Variants in POTEE observed in about 807,000 individuals in gnomAD.
POTEE encodes the protein ANKRD26-like family C member 1A.
In POTEE, 21 loss-of-function variants were observed where a neutral mutation model predicts 74.2. The observed-to-expected ratio is 0.28, with a 90% CI of 0.20 to 0.41. The LOEUF (loss-of-function observed/expected upper bound fraction) is 0.41. Among genes scored for constraint, POTEE ranks in the 10% least tolerant of loss-of-function variants. The pLI, the probability that POTEE is intolerant of heterozygous loss-of-function variation, is 1.00. For synonymous variants in POTEE, 211 were observed against 432.8 expected, an observed-to-expected ratio of 0.49 and a Z score of 6.36; for missense variants, 525 against 1,158.6, an observed-to-expected ratio of 0.45 and a Z score of 7.94.
intron 3 of POTEE, 118 bp from the exon 4 acceptor site, chr2:131,218,192 G>A (rs530671463): frequency 3.2e-6 from 3 of 938,940 alleles, no homozygotes; most frequent in Admixed American, 2.9e-5. Context: ...GGTCGCCCAG[G>A]GGGGGCGTGG....
At chr2:131,256,852 G>C (rs1701588510) in intron 16 of POTEE, among the ~76,000 whole-genome samples, 3 of 152,294 alleles carry the variant, frequency 2.0e-5, no homozygotes, top group Admixed American at 1.3e-4. Flanking sequence ...AATTAGGATT[G>C]TATCATCAGG....
chr2:131,222,583 C>T (rs2105074205), intron 4 of POTEE, among the ~76,000 whole-genome samples: 1 of 152,168 alleles, frequency 6.6e-6, no homozygotes, highest in Admixed American at 6.5e-5. Context: ...TTGAAAAAAG[C>T]TCCACAAATC....
At chr2:131,209,949 TG>T (rs1236397880) in intron 1 of POTEE, among the ~76,000 whole-genome samples, 130 bp downstream of exon 1, 1 of 105,744 alleles carries the variant, frequency 9.5e-6, no homozygotes, top group Non-Finnish European at 1.8e-5. Flanking sequence ...GTTGCATTGC[TG>T]GCGGTGGAGG....
Position 131,218,494 on chromosome 2 carries a change from G to A in POTEE, c.92G>A (p.Cys31Tyr). The A allele has an allele frequency of 6.2e-7, 1 of 1,612,762 alleles. No individual in the cohort carries two copies. Among genetic ancestry groups the A allele is most frequent in the Non-Finnish European group, 8.5e-7 (1 of 1,179,882 alleles). ...RSKMGKWCCR[C>Y]FPCYRESGKS... Reference sequence around the variant, plus strand: ...AAGATGGGCAAGTGGTGCTGCCGTTGCTTCCCCTGCTACAGGGAGAGCGGC... The same window carrying A: ...AAGATGGGCAAGTGGTGCTGCCGTTACTTCCCCTGCTACAGGGAGAGCGGC... The change falls in exon 4 of 18, where the codon TGC becomes TAC. Residue 31 changes from cysteine (C) to tyrosine (Y), a missense_variant. By Grantham distance (194) the Cys-to-Tyr change is radical. Transcript: ENST00000683005.
chr2:131,219,466 C>T (rs1320842664), intron 4 of POTEE, among the ~76,000 whole-genome samples: 6 of 151,948 alleles, frequency 3.9e-5, no homozygotes, highest in Non-Finnish European at 7.4e-5. Flanking sequence ...TTTGGCTGGG[C>T]GCGGTGGCTC....
intron 2 of POTEE, among the ~76,000 whole-genome samples, chr2:131,216,805 A>G (rs1211870745): frequency 6.6e-6 from 1 of 151,746 alleles, no homozygotes; most frequent in Non-Finnish European, 1.5e-5. Flanking sequence ...AGTCACACGT[A>G]ACTATATTAT....
At chr2:131,210,605 C>T (rs868210585) in intron 1 of POTEE, among the ~76,000 whole-genome samples, 12 of 151,900 alleles carry the variant, frequency 7.9e-5, no homozygotes, top group Middle Eastern at 3.2e-3. Flanking sequence ...TGCGGTTCTC[C>T]GGCCTGCACC....
Position 131,225,054 on chromosome 2 carries a change from A to G in POTEE, c.810+1011A>G, listed in dbSNP as rs563348982. Reference sequence around the variant, plus strand: ...TCCTACTCCTTACTCTTTTTGGCCAAATCTTCAAATGAGAAAGGGAATTGG... The same window carrying G: ...TCCTACTCCTTACTCTTTTTGGCCAGATCTTCAAATGAGAAAGGGAATTGG... On this transcript the variant is annotated intron_variant, in intron 6 of 17. Transcript: ENST00000683005. 6.8e-4 allele frequency among the ~76,000 whole-genome samples: 103 copies of G among 152,274 alleles called. 1 individual carries two copies. The highest frequency in any genetic ancestry group is 8.2e-4 in the Non-Finnish European group (56 of 68,026).
intron 9 of POTEE, among the ~76,000 whole-genome samples, chr2:131,235,792 C>CAAACAA (rs1553477223): frequency 1.3e-5 from 1 of 79,144 alleles, no homozygotes; most frequent in African/African-American, 5.6e-5. Context: ...GACCCTGGCT[C>CAAACAA]AAAAAAAAAA....
rs766185047 is a variant in POTEE at position 131,264,027 on chromosome 2, G to T, written c.2572G>T (p.Gly858Trp). Reference protein sequence around the residue: ...TTGIVMDSGDGVTHTVPIYEG... With the variant: ...TTGIVMDSGDWVTHTVPIYEG... ...TGGCATCGTGATGGACTCTGGTGACGGGGTCACCCACACTGTGCCCATCTA... is the reference window on the plus strand; with the variant it reads ...TGGCATCGTGATGGACTCTGGTGACTGGGTCACCCACACTGTGCCCATCTA... The change falls in exon 18 of 18, where the codon GGG (glycine) becomes TGG (tryptophan). Residue 858 changes from glycine to tryptophan, a missense_variant. Physicochemically the swap from Gly to Trp is radical, Grantham distance 184 (BLOSUM62 -2). Transcript: ENST00000683005. 1 of 1,614,022 alleles carries T rather than the reference G, an allele frequency of 6.2e-7. No homozygotes were observed. The highest frequency in any genetic ancestry group is 1.7e-5 in the Admixed American group (1 of 60,000).
chr2:131,209,831 G>A lies in POTEE; in HGVS notation c.-345+12G>A, dbSNP rs374235333. On this transcript the variant is annotated intron_variant, in intron 1 of 17. Coordinates refer to ENST00000683005, the MANE Select transcript of POTEE (RefSeq NM_001083538.3). ...ATGTCCTGGTGTAGGTGAGTTATCCGGGGATGTACTGCCCGCCTGTGGGGG... is the reference window on the plus strand; with the variant it reads ...ATGTCCTGGTGTAGGTGAGTTATCCAGGGATGTACTGCCCGCCTGTGGGGG... Among the ~76,000 whole-genome samples the A allele has an allele frequency of 2.8e-3, 430 of 151,930 alleles. 1 individual carries two copies. Among genetic ancestry groups the A allele is most frequent in the Middle Eastern group, 0.014 (4 of 290 alleles).
At chr2:131,217,114 T>C (rs1459060447) in intron 2 of POTEE, among the ~76,000 whole-genome samples, 2 of 148,876 alleles carry the variant, frequency 1.3e-5, no homozygotes, top group Non-Finnish European at 3.0e-5. Context: ...AGTTAAAAAA[T>C]ATGTGGTATG....
intron 9 of POTEE, among the ~76,000 whole-genome samples, chr2:131,233,272 T>C (rs1001489083): frequency 1.3e-5 from 2 of 151,948 alleles, no homozygotes; most frequent in African/African-American, 4.8e-5. Context: ...CTCTGTCATA[T>C]CTACTTAACC....
Position 131,217,760 on chromosome 2 carries a change from GCCGCACGCGCACGC to G in POTEE, c.-94+79_-94+92del, listed in dbSNP as rs1490409255. Among the ~76,000 whole-genome samples the G allele has an allele frequency of 5.6e-4, 7 of 12,426 alleles. 1 individual carries two copies. Among genetic ancestry groups the G allele is most frequent in the Non-Finnish European group, 7.2e-4 (1 of 1,380 alleles). The allele number at this position is 12,426 out of a possible 152,430, so 8.2% of individuals were successfully genotyped here. A position where few individuals can be genotyped will look rare whatever the true frequency, so the allele number is the denominator to read the frequency against. ...GAGATAAGCACGCCGCACGCCGCAC[GCCGCACGCGCACGC>G]CGCACGCGCACGCGCACGCCCGGCA... On this transcript the variant is annotated intron_variant, in intron 3 of 17. Coordinates refer to ENST00000683005, the MANE Select transcript of POTEE (RefSeq NM_001083538.3).
intron 9 of POTEE, among the ~76,000 whole-genome samples, chr2:131,233,921 G>A (rs2105096755): frequency 6.6e-6 from 1 of 151,012 alleles, no homozygotes; most frequent in South Asian, 2.1e-4. Flanking sequence ...AGAGCAAAGA[G>A]CAGCAGGTCA....
At position 131,263,502 on chromosome 2, in the gene POTEE, G is replaced by C; in HGVS notation, c.2047G>C (p.Val683Leu). ...GAAATATTTGGAGGATATTGAAAGT[G>C]TGAAAAAAAAGAATGATAATCTTTT... ...EKKYLEDIES[V>L]KKKNDNLLKA... Residue 683 changes from valine to leucine, a missense_variant, in exon 18 of 18, where the codon GTG becomes CTG. Physicochemically the swap from Val to Leu is conservative, Grantham distance 32. Transcript: ENST00000683005. The C allele has an allele frequency of 6.2e-7, 1 of 1,611,650 alleles. No individual in the cohort carries two copies. The highest frequency in any genetic ancestry group is 8.5e-7 in the Non-Finnish European group (1 of 1,179,636).
In POTEE at chr2:131,218,521, A is replaced by G. The variant is rs1388011888; in HGVS notation, c.119A>G (p.Lys40Arg). Residue 40 changes from lysine (K) to arginine (R), a missense_variant, in exon 4 of 18, where the codon AAG becomes AGG. Coordinates refer to ENST00000683005, the MANE Select transcript of POTEE (RefSeq NM_001083538.3). ...TTCCCCTGCTACAGGGAGAGCGGCAAGAGCAACGTGGGCACTTCTGGAGAC... is the reference window on the plus strand; with the variant it reads ...TTCCCCTGCTACAGGGAGAGCGGCAGGAGCAACGTGGGCACTTCTGGAGAC... ...RCFPCYRESG[K>R]SNVGTSGDHD... The G allele has an allele frequency of 1.2e-6, 2 of 1,613,196 alleles. No individual in the cohort carries two copies. The highest frequency in any genetic ancestry group is 8.5e-7 in the Non-Finnish European group (1 of 1,179,846).
chr2:131,233,170 C>T (rs1209879073), intron 9 of POTEE, among the ~76,000 whole-genome samples: 5 of 152,086 alleles, frequency 3.3e-5, no homozygotes, highest in East Asian at 1.9e-4. Context: ...AAGATTAAAT[C>T]TGAGTATTAA....
intron 9 of POTEE, among the ~76,000 whole-genome samples, chr2:131,233,428 G>A (rs1211105263): frequency 6.6e-6 from 1 of 152,088 alleles, no homozygotes; most frequent in South Asian, 2.1e-4. Context: ...GGGATTGATG[G>A]AAGGTTCTTT....
Sources: gnomAD v4.1 joint callset for allele counts (sites outside exome capture counted in the v4.1 genomes callset) on GRCh38, gnomAD v4.1.1 for gene constraint, MANE v1.5 for transcripts, NCBI Gene and HGNC (gene_info 2026-07-23, HGNC 2026-07-21) for gene names.